The following CNTN1 variants were observed in gnomAD, a reference collection of about 807,000 sequenced individuals.
CNTN1 encodes the protein contactin-1.
Under a neutral mutation model 126.4 loss-of-function variants are expected in CNTN1, and 38 were observed. That is an observed-to-expected ratio of 0.30 (90% CI 0.23 to 0.39). The LOEUF (loss-of-function observed/expected upper bound fraction) is 0.39, where lower values mean the gene tolerates loss of function less well. CNTN1 is among the 10% of genes least tolerant of loss of function. The probability of loss-of-function intolerance (pLI) is 1.00; values close to 1 mark genes in which losing one functional copy is unlikely to be tolerated. For missense variants in CNTN1, 1,009 were observed against 1,248.4 expected (o/e 0.81, Z 2.89); for synonymous variants, 413 against 422.6 (o/e 0.98, Z 0.28).
intron 17 of CNTN1, among the ~76,000 whole-genome samples, chr12:41,000,094 C>A (rs537784883): frequency 6.6e-6 from 1 of 152,158 alleles, no homozygotes; most frequent in Non-Finnish European, 1.5e-5. Context: ...AAATATATTA[C>A]AAAGTGCTTA....
intron 1 of CNTN1, among the ~76,000 whole-genome samples, chr12:40,765,557 T>C (rs1939049696): frequency 6.6e-6 from 1 of 152,070 alleles, no homozygotes; most frequent in Admixed American, 6.6e-5. Flanking sequence ...AATAATAAGT[T>C]TGGTTAACAG....
At position 40,926,880 on chromosome 12, in the gene CNTN1, G is replaced by A. The variant is rs547939992; in HGVS notation, c.496+2228G>A. Among the ~76,000 whole-genome samples the A allele has an allele frequency of 7.9e-5, 12 of 152,230 alleles. No individual in the cohort carries two copies. The South Asian group carries it at 1.5e-3, about 18-fold the overall frequency. ...TATATAAGATAAATACAAGAGTTGAGGGTGGCATAAAAGTTTTTGCTGTGA... is the reference window on the plus strand; with the variant it reads ...TATATAAGATAAATACAAGAGTTGAAGGTGGCATAAAAGTTTTTGCTGTGA... On this transcript the variant is annotated intron_variant, in intron 6 of 23. Coordinates refer to ENST00000551295, the MANE Select transcript of CNTN1 (RefSeq NM_001843.4).
chr12:40,785,570 G>A (rs1939985174), intron 1 of CNTN1, among the ~76,000 whole-genome samples: 1 of 152,114 alleles, frequency 6.6e-6, no homozygotes, highest in South Asian at 2.1e-4. Context: ...GTGGAATTAG[G>A]AGCAATGTTT....
At chr12:40,939,238 A>G (rs2136937310) in intron 11 of CNTN1, 97 bp from the exon 12 acceptor site, 3 of 1,304,584 alleles carry the variant, frequency 2.3e-6, no homozygotes, top group East Asian at 4.8e-5. Flanking sequence ...AATCCTTTCC[A>G]TTAACTATTA....
At chr12:40,903,147 A>G (rs1274783051) in intron 1 of CNTN1, among the ~76,000 whole-genome samples, 1 of 152,194 alleles carries the variant, frequency 6.6e-6, no homozygotes, top group East Asian at 1.9e-4. Context: ...ATGGAGACCC[A>G]CAGAGCTGCA....
At chr12:40,993,017 G>A in intron 16 of CNTN1, 103 bp from the exon 17 acceptor site, 1 of 1,054,216 alleles carries the variant, frequency 9.5e-7, no homozygotes, top group South Asian at 1.4e-5. Flanking sequence ...TCAACTCAGT[G>A]TAATATATAC....
At chr12:40,788,441 C>T (rs1163296537) in intron 1 of CNTN1, among the ~76,000 whole-genome samples, 3 of 152,074 alleles carry the variant, frequency 2.0e-5, no homozygotes, top group African/African-American at 7.2e-5. Flanking sequence ...CTGCAGGAGC[C>T]TCTAAACCAC....
intron 16 of CNTN1, among the ~76,000 whole-genome samples, chr12:40,989,237 C>G (rs1948042610): frequency 6.6e-6 from 1 of 152,064 alleles, no homozygotes; most frequent in African/African-American, 2.4e-5. Flanking sequence ...TAGTTCCTAC[C>G]AGGGCTTAAG....
intron 14 of CNTN1, among the ~76,000 whole-genome samples, chr12:40,956,731 G>T (rs763850138): frequency 1.3e-5 from 2 of 152,020 alleles, no homozygotes; most frequent in Non-Finnish European, 2.9e-5. Context: ...CTACAATAAT[G>T]CTATGGCTTT....
chr12:40,926,178 T>TAGATAGATAGAC (rs1945682390), intron 6 of CNTN1, among the ~76,000 whole-genome samples: 1 of 146,250 alleles, frequency 6.8e-6, no homozygotes, highest in Non-Finnish European at 1.5e-5. Flanking sequence ...TAAGGATAGA[T>TAGATAGATAGAC]AGATAGATAG....
At chr12:40,889,952 C>A (rs910377736) in intron 1 of CNTN1, among the ~76,000 whole-genome samples, 1 of 152,156 alleles carries the variant, frequency 6.6e-6, no homozygotes, top group Non-Finnish European at 1.5e-5. Flanking sequence ...GTATTTGAAA[C>A]AGTGGGTGTT....
intron 15 of CNTN1, among the ~76,000 whole-genome samples, chr12:40,967,344 G>C: frequency 6.6e-6 from 1 of 151,906 alleles, no homozygotes; most frequent in East Asian, 1.9e-4. Context: ...ATTGGGTGTG[G>C]TGGCACATGC....
At chr12:40,805,218 C>T (rs1194801163) in intron 1 of CNTN1, among the ~76,000 whole-genome samples, 1 of 151,880 alleles carries the variant, frequency 6.6e-6, no homozygotes, top group Non-Finnish European at 1.5e-5. Flanking sequence ...CTTTTTGGAA[C>T]ATTTTCAATA....
chr12:40,775,759 T>C (rs1939552943), intron 1 of CNTN1, among the ~76,000 whole-genome samples: 1 of 151,584 alleles, frequency 6.6e-6, no homozygotes, highest in Admixed American at 6.6e-5. Context: ...TTTTTTCTTA[T>C]AAATTAAGAC....
chr12:40,971,744 C>T, intron 15 of CNTN1: 1 of 1,273,158 alleles, frequency 7.9e-7, no homozygotes, highest in Non-Finnish European at 9.9e-7. Context: ...TAACTCAGTA[C>T]ATTATATAAT....
intron 1 of CNTN1, among the ~76,000 whole-genome samples, chr12:40,890,110 A>AT (rs150497948): frequency 6.6e-6 from 1 of 152,218 alleles, no homozygotes; most frequent in East Asian, 1.9e-4. Flanking sequence ...CTCTAAGGTC[A>AT]TTTTTAAACA....
At chr12:40,845,351 T>C (rs986565071) in intron 1 of CNTN1, among the ~76,000 whole-genome samples, 4 of 152,192 alleles carry the variant, frequency 2.6e-5, no homozygotes, top group Non-Finnish European at 5.9e-5. Context: ...AAGAACATAA[T>C]ATTGGCTACA....
intron 15 of CNTN1, among the ~76,000 whole-genome samples, chr12:40,967,177 A>T (rs1947338297): frequency 6.6e-6 from 1 of 151,726 alleles, no homozygotes; most frequent in East Asian, 1.9e-4. Flanking sequence ...ATCTCAAATA[A>T]TAATAATTAT....
chr12:40,918,352 T>C (rs775979027), intron 3 of CNTN1, among the ~76,000 whole-genome samples: 3 of 152,062 alleles, frequency 2.0e-5, no homozygotes, highest in Non-Finnish European at 2.9e-5. Context: ...ACCGAAAGCA[T>C]ATGCGGAGGC....
Sources: allele counts gnomAD v4.1 joint callset (sites outside exome capture counted in the v4.1 genomes callset), GRCh38; gene constraint gnomAD v4.1.1; transcripts MANE v1.5; gene names NCBI Gene and HGNC (gene_info 2026-07-23, HGNC 2026-07-21).